CALN1: variants seen among roughly 807,000 people sequenced by gnomAD.
CALN1 encodes calcium-binding protein 8.
A neutral mutation model predicts 30.6 loss-of-function variants in CALN1; 17 were observed. The ratio of observed to expected loss-of-function variants is 0.56; its 90% confidence interval spans 0.38 to 0.83. The LOEUF (loss-of-function observed/expected upper bound fraction) is 0.83. CALN1 is among the 40% of genes least tolerant of loss of function. The pLI is 0.00. For synonymous variants in CALN1, 156 were observed against 131.4 expected, an observed-to-expected ratio of 1.19 and a Z score of -1.28; for missense variants, 291 against 354.9, an observed-to-expected ratio of 0.82 and a Z score of 1.45.
At chr7:72,357,473 G>A (rs904115645) in intron 2 of CALN1, among the ~76,000 whole-genome samples, 6 of 151,854 alleles carry the variant, frequency 4.0e-5, no homozygotes, top group African/African-American at 1.5e-4. Flanking sequence ...GAAAATTAAA[G>A]GTAGAGAAAA....
chr7:71,843,626 A>AAAAC (rs1007794177), intron 5 of CALN1, among the ~76,000 whole-genome samples: 15 of 152,144 alleles, frequency 9.9e-5, no homozygotes, highest in Non-Finnish European at 1.3e-4. Context: ...CTGTCTCTAA[A>AAAAC]AAACAAACAA....
chr7:72,335,762 G>T lies in CALN1; in HGVS notation c.120-56952C>A, dbSNP rs375037532. Among the ~76,000 whole-genome samples, 8 of 152,330 alleles carry T rather than the reference G, an allele frequency of 5.3e-5. No homozygotes were observed. In the East Asian group the frequency reaches 7.7e-4, roughly 15 times the overall value. On this transcript the variant is annotated intron_variant, in intron 2 of 6. Transcript: ENST00000395275. ...AAAAGAGCAGTGGGAAACGATGGTG[G>T]GCTGGTGGCCCGGGCGCACGTGGCC...
intron 3 of CALN1, among the ~76,000 whole-genome samples, chr7:72,117,336 G>A (rs1282105823): frequency 2.0e-5 from 3 of 152,138 alleles, no homozygotes; most frequent in Admixed American, 1.3e-4. Flanking sequence ...TGTCGAAGCC[G>A]AGGTTTTTGT....
At chr7:72,121,219 TTA>T (rs987915438) in intron 3 of CALN1, among the ~76,000 whole-genome samples, 3 of 143,840 alleles carry the variant, frequency 2.1e-5, no homozygotes, top group African/African-American at 7.6e-5. Flanking sequence ...ATATTATGTA[TTA>T]TATAACTATA....
At chr7:72,349,972 T>C (rs1429992007) in intron 2 of CALN1, among the ~76,000 whole-genome samples, 2 of 152,210 alleles carry the variant, frequency 1.3e-5, no homozygotes, top group Admixed American at 1.3e-4. Context: ...GTTTTTGTTA[T>C]TGCTTTTGGC....
chr7:72,059,855 C>T (rs1803525675), intron 4 of CALN1, among the ~76,000 whole-genome samples: 1 of 152,150 alleles, frequency 6.6e-6, no homozygotes, highest in Admixed American at 6.5e-5. Context: ...GGAAGCAACA[C>T]TCTACCCTGC....
At chr7:72,451,266 G>GAGA (rs1262238177), upstream of CALN1, among the ~76,000 whole-genome samples, 1 of 149,244 alleles carries the variant, frequency 6.7e-6, no homozygotes, top group African/African-American at 2.5e-5. Context: ...GGAGGAGGAG[G>GAGA]AGAAGGAGGA....
At chr7:72,389,185 C>A (rs1805419373) in intron 2 of CALN1, among the ~76,000 whole-genome samples, 1 of 152,150 alleles carries the variant, frequency 6.6e-6, no homozygotes, top group Non-Finnish European at 1.5e-5. Flanking sequence ...GCAGGAGCCC[C>A]TGTCCCTGGT....
intron 3 of CALN1, among the ~76,000 whole-genome samples, chr7:72,111,071 A>C (rs918189848): frequency 1.3e-5 from 2 of 152,178 alleles, no homozygotes; most frequent in Admixed American, 1.3e-4. Flanking sequence ...CTGGTGCGCC[A>C]GGGCTACGTG....
intron 2 of CALN1, among the ~76,000 whole-genome samples, chr7:72,280,475 C>T (rs756939319): frequency 2.0e-5 from 3 of 152,208 alleles, no homozygotes; most frequent in Non-Finnish European, 4.4e-5. Context: ...CAAATCTATC[C>T]TTATATTTAA....
chr7:71,994,139 G>T (rs1484867712), intron 5 of CALN1, among the ~76,000 whole-genome samples: 1 of 152,040 alleles, frequency 6.6e-6, no homozygotes, highest in African/African-American at 2.4e-5. Context: ...AATTTTATGA[G>T]ATTAATTATA....
At chr7:71,797,874 A>C (rs1787021902) in intron 6 of CALN1, among the ~76,000 whole-genome samples, 1 of 152,154 alleles carries the variant, frequency 6.6e-6, no homozygotes, top group African/African-American at 2.4e-5. Context: ...TGTCATACCC[A>C]AAGATTGTTC....
chr7:72,376,359 G>C (rs1804554461), intron 2 of CALN1, among the ~76,000 whole-genome samples: 1 of 152,118 alleles, frequency 6.6e-6, no homozygotes, highest in South Asian at 2.1e-4. Context: ...CAATGCAAAA[G>C]GTTTACAATG....
rs779008842 is a variant in CALN1 at position 71,781,574 on chromosome 7, T to C, written c.*6201A>G. On this transcript the variant is annotated 3_prime_UTR_variant, in exon 7 of 7. Transcript: ENST00000395275. ...TGCAGCCCTTTAAGAACTTTCTTTG[T>C]CTCCCTCAGGTCCAGGGATGGAGCA... The C allele has an allele frequency of 2.6e-5, 4 of 152,088 alleles. No homozygotes were observed. The highest frequency in any genetic ancestry group is 4.4e-5 in the Non-Finnish European group (3 of 68,046). 9.4% of individuals were successfully genotyped at this position (152,088 alleles called of 1,614,324 possible).
At chr7:71,856,266 T>C (rs1454167932) in intron 5 of CALN1, among the ~76,000 whole-genome samples, 2 of 151,898 alleles carry the variant, frequency 1.3e-5, no homozygotes, top group South Asian at 2.1e-4. Flanking sequence ...TCTGCAATCC[T>C]TCATTAATTT....
chr7:72,029,705 G>T (rs1801315194), intron 4 of CALN1, among the ~76,000 whole-genome samples: 1 of 152,182 alleles, frequency 6.6e-6, no homozygotes, highest in Non-Finnish European at 1.5e-5. Context: ...TTTCAGGTTG[G>T]TGAACACATG....
At chr7:72,396,744 G>A (rs537708543) in intron 2 of CALN1, among the ~76,000 whole-genome samples, 2 of 152,068 alleles carry the variant, frequency 1.3e-5, no homozygotes, top group African/African-American at 2.4e-5. Context: ...GGGAGAAGGT[G>A]ACACCATTCT....
chr7:72,393,656 T>C (rs571133743), intron 2 of CALN1, among the ~76,000 whole-genome samples: 1 of 151,554 alleles, frequency 6.6e-6, no homozygotes, highest in Non-Finnish European at 1.5e-5. Flanking sequence ...GCCAAAAGAA[T>C]AGGTATACAG....
At chr7:71,949,918 C>G (rs12699118) in intron 5 of CALN1, among the ~76,000 whole-genome samples, 104,912 of 151,696 alleles carry the variant, frequency 0.69, 36,862 homozygotes, top group Non-Finnish European at 0.74. Flanking sequence ...CCTGCCACTA[C>G]GCCTGGCTAA....
Sources: allele counts gnomAD v4.1 joint callset (sites outside exome capture counted in the v4.1 genomes callset), GRCh38; gene constraint gnomAD v4.1.1; transcripts MANE v1.5; gene names NCBI Gene and HGNC (gene_info 2026-07-23, HGNC 2026-07-21).